Variants in FMNL2 observed in about 807,000 individuals in gnomAD.
The protein encoded by FMNL2 is formin-like protein 2.
A neutral mutation model predicts 130.2 loss-of-function variants in FMNL2; 51 were observed. The observed-to-expected ratio is 0.39, with a 90% CI of 0.31 to 0.49. The LOEUF (loss-of-function observed/expected upper bound fraction) is 0.49. Ranked by LOEUF, FMNL2 falls within the 20% of genes least tolerant of loss-of-function variation. FMNL2 has a pLI of 0.85. For missense variants in FMNL2, 977 were observed against 1,316.2 expected (o/e 0.74, Z 3.99); for synonymous variants, 465 against 467.1 (o/e 1.00, Z 0.06).
At chr2:152,563,363 G>A (rs186541102) in intron 6 of FMNL2, among the ~76,000 whole-genome samples, 1 of 152,086 alleles carries the variant, frequency 6.6e-6, no homozygotes, top group East Asian at 1.9e-4. Context: ...CTGCTTTATG[G>A]TTTCTAGTAG....
intron 1 of FMNL2, among the ~76,000 whole-genome samples, chr2:152,359,481 C>CT (rs10694393): frequency 4.8e-4 from 35 of 73,082 alleles, no homozygotes; most frequent in East Asian, 2.2e-3. Context: ...AAGAGGTAGC[C>CT]TTTTTTTTTT....
chr2:152,626,822 C>A, intron 17 of FMNL2, 95 bp downstream of exon 17: 1 of 1,292,776 alleles, frequency 7.7e-7, no homozygotes. Context: ...AATAGTGAGA[C>A]AAGACCTAAG....
chr2:152,507,502 GCTT>G (rs1692238585), intron 1 of FMNL2, among the ~76,000 whole-genome samples: 1 of 152,096 alleles, frequency 6.6e-6, no homozygotes, highest in Admixed American at 6.5e-5. Context: ...GCTATATAAA[GCTT>G]CTTCTATCAG....
At chr2:152,556,834 G>A (rs1434995248) in intron 4 of FMNL2, among the ~76,000 whole-genome samples, 9 of 151,940 alleles carry the variant, frequency 5.9e-5, no homozygotes, top group Non-Finnish European at 8.8e-5. Flanking sequence ...GTTCTTATGG[G>A]CCACTGAGAA....
At chr2:152,568,470 C>T (rs1305167458) in intron 6 of FMNL2, among the ~76,000 whole-genome samples, 2 of 152,108 alleles carry the variant, frequency 1.3e-5, no homozygotes, top group Non-Finnish European at 2.9e-5. Context: ...GGATTACAGG[C>T]GTGAACCACC....
intron 1 of FMNL2, among the ~76,000 whole-genome samples, chr2:152,509,414 A>G (rs1205219830): frequency 6.6e-6 from 1 of 151,796 alleles, no homozygotes; most frequent in African/African-American, 2.4e-5. Context: ...TTTTTGCTCA[A>G]CTCATAACTG....
rs1277578438 is a variant in FMNL2 at position 152,648,631 on chromosome 2, AC to A, written c.*727del. ...AGTGTATTTATTAGCATTAAAATTA[AC>A]ATCTCAGTAATCAGCATTAGCATTT... is the stretch of plus-strand genomic sequence containing the variant. On this transcript the variant is annotated 3_prime_UTR_variant, in exon 26 of 26. Transcript: ENST00000288670. 1 of 152,652 alleles carries A rather than the reference AC, an allele frequency of 6.6e-6. No individual in the cohort carries two copies. The highest frequency in any genetic ancestry group is 2.4e-5 in the African/African-American group (1 of 41,458). 9.5% of individuals were successfully genotyped at this position (152,652 alleles called of 1,614,324 possible).
intron 3 of FMNL2, among the ~76,000 whole-genome samples, chr2:152,545,048 T>C (rs1426664120): frequency 6.6e-6 from 1 of 152,208 alleles, no homozygotes; most frequent in Non-Finnish European, 1.5e-5. Context: ...TGGTCTGTGC[T>C]TCATCTTTCA....
In FMNL2 at chr2:152,558,793, A is replaced by G; in HGVS notation, c.413A>G (p.Glu138Gly). 6.2e-7 allele frequency: 1 copy of G among 1,613,360 alleles called. No individual in the cohort carries two copies. Among genetic ancestry groups the G allele is most frequent in the Non-Finnish European group, 8.5e-7 (1 of 1,179,748 alleles). The change falls in exon 5 of 26, where the codon GAA (glutamate) becomes GGA (glycine). Residue 138 changes from glutamate (E) to glycine (G), a missense_variant. This residue lies in a region of FMNL2 where 689 missense variants were observed against 995.9 expected (regional missense o/e 0.69). Transcript: ENST00000288670. ...EENKGLDVLVEYLSFAQYAVT... is the reference protein window; with the variant it reads ...EENKGLDVLVGYLSFAQYAVT... ...AACAAAGGTCTTGATGTTCTAGTGG[A>G]ATATCTCTCATTTGCACAGTACGCG...
chr2:152,396,619 C>T (rs915848215), intron 1 of FMNL2, among the ~76,000 whole-genome samples: 3 of 152,220 alleles, frequency 2.0e-5, no homozygotes, highest in Admixed American at 2.0e-4. Flanking sequence ...TTTCACATTT[C>T]AGACATTGTC....
chr2:152,384,965 T>C (rs1684700121), intron 1 of FMNL2, among the ~76,000 whole-genome samples: 3 of 152,244 alleles, frequency 2.0e-5, no homozygotes, highest in Admixed American at 1.3e-4. Context: ...GTGTAGCTAA[T>C]ATCCATAAAT....
chr2:152,439,764 A>G (rs902736778), intron 1 of FMNL2, among the ~76,000 whole-genome samples: 4 of 149,400 alleles, frequency 2.7e-5, no homozygotes, highest in African/African-American at 9.9e-5. Context: ...AGCTTGGGCT[A>G]CTTTTGTTTT....
intron 10 of FMNL2, among the ~76,000 whole-genome samples, chr2:152,607,903 C>A (rs187893328): frequency 3.7e-4 from 57 of 152,054 alleles, no homozygotes; most frequent in Non-Finnish European, 1.0e-4. Flanking sequence ...CCTCCCTGAT[C>A]TCTTTCCTGC....
At position 152,640,023 on chromosome 2, in the gene FMNL2, G is replaced by A; in HGVS notation, c.3012G>A (p.Glu1004=). ...QEQALMEKLL[E]QEALMEQQDP... ...AAGCTCTCATGGAAAAACTCCTAGA[G>A]CAAGAAGCTCTGATGGAGCAGCAGG... The change falls in exon 24 of 26, where the codon GAG becomes GAA. Residue 1004 remains glutamate (E), a synonymous_variant. Transcript: ENST00000288670. The A allele has an allele frequency of 1.3e-6, 2 of 1,556,364 alleles. No individual in the cohort carries two copies. The highest frequency in any genetic ancestry group is 2.4e-5 in the East Asian group (1 of 41,164).
Position 152,429,027 on chromosome 2 carries a change from G to T in FMNL2, c.118-92916G>T, listed in dbSNP as rs1213538166. 3.3e-5 allele frequency among the ~76,000 whole-genome samples: 5 copies of T among 151,724 alleles called. No individual in the cohort carries two copies. In the East Asian group the frequency reaches 7.7e-4, roughly 23 times the overall value. ...CTGGGGCCTGTTGTGTGTGAGGAGG[G>T]AGGAGGCAGGTGGGAGGAGGGAGAG... On this transcript the variant is annotated intron_variant, in intron 1 of 25. Transcript: ENST00000288670.
At chr2:152,508,009 T>G (rs1692269418) in intron 1 of FMNL2, among the ~76,000 whole-genome samples, 1 of 152,264 alleles carries the variant, frequency 6.6e-6, no homozygotes, top group Admixed American at 6.5e-5. Context: ...TGTGTTAATT[T>G]GATAAATCGT....
At chr2:152,415,746 G>A (rs1303724593) in intron 1 of FMNL2, among the ~76,000 whole-genome samples, 6 of 152,218 alleles carry the variant, frequency 3.9e-5, no homozygotes. Context: ...TCAGAGGAGA[G>A]ATAGTGCCGC....
At position 152,348,920 on chromosome 2, in the gene FMNL2, C is replaced by T. The variant is rs915671799; in HGVS notation, c.117+13200C>T. ...CACAATCTCGGCTCACTGCAAGCTC[C>T]GCTTCCCGGGTTCACGCCATTCTCC... On this transcript the variant is annotated intron_variant, in intron 1 of 25. Coordinates refer to ENST00000288670, the MANE Select transcript of FMNL2 (RefSeq NM_052905.4). Among the ~76,000 whole-genome samples, 19 of 142,440 alleles carry T rather than the reference C, an allele frequency of 1.3e-4. 2 individuals are homozygous for T. The highest frequency in any genetic ancestry group is 7.6e-5 in the Non-Finnish European group (5 of 65,894). The allele number at this position is 142,440 out of a possible 152,430, so 93.4% of individuals were successfully genotyped here.
At chr2:152,621,145 A>G (rs1699227625) in intron 15 of FMNL2, 2 of 985,220 alleles carry the variant, frequency 2.0e-6, no homozygotes, top group African/African-American at 3.5e-5. Context: ...GGCCACCCTG[A>G]TTAGGCACTC....
Sources: gnomAD v4.1 joint callset for allele counts (sites outside exome capture counted in the v4.1 genomes callset) on GRCh38, gnomAD v4.1.1 for gene constraint, gnomAD v4.1.1 regional missense constraint, MANE v1.5 for transcripts, NCBI Gene and HGNC (gene_info 2026-07-23, HGNC 2026-07-21) for gene names.